The following NAA60 variants were observed in gnomAD, a reference collection of about 807,000 sequenced individuals.
NAA60 encodes the protein N-alpha-acetyltransferase 60.
Under a neutral mutation model 26.1 loss-of-function variants are expected in NAA60, and 8 were observed. That is an observed-to-expected ratio of 0.31 (90% CI 0.18 to 0.55). The LOEUF is 0.55. Ranked by LOEUF, NAA60 falls within the 20% of genes least tolerant of loss-of-function variation. The pLI is 0.93. For synonymous variants in NAA60, 131 were observed against 122.5 expected, an observed-to-expected ratio of 1.07 and a Z score of -0.46; for missense variants, 290 against 311.3, an observed-to-expected ratio of 0.93 and a Z score of 0.51.
At chr16:3,460,397 TC>T (rs1267499152) in intron 2 of NAA60, among the ~76,000 whole-genome samples, 4 of 152,072 alleles carry the variant, frequency 2.6e-5, no homozygotes, top group African/African-American at 9.7e-5. Flanking sequence ...AGGTTCTCAC[TC>T]TGTCGCCCAG....
At chr16:3,446,720 TG>T (rs1416838866) in intron 1 of NAA60, among the ~76,000 whole-genome samples, 1 of 151,740 alleles carries the variant, frequency 6.6e-6, no homozygotes, top group Non-Finnish European at 1.5e-5. Flanking sequence ...AAGTGATTCT[TG>T]TGCCTCAGCT....
chr16:3,450,180 C>G (rs2034720234), intron 2 of NAA60: 1 of 364,776 alleles, frequency 2.7e-6, no homozygotes, highest in Non-Finnish European at 4.9e-6. Flanking sequence ...GGATAATTCA[C>G]TGTCCCTTGT....
rs553291213 is a variant in NAA60 at position 3,454,852 on chromosome 16, T to G, written c.-7+6312T>G. On this transcript the variant is annotated intron_variant, in intron 2 of 7. Coordinates refer to ENST00000407558, the MANE Select transcript of NAA60 (RefSeq NM_001083601.3). ...TTAGGGAACACACTGGAACAAGGGGTAGAGTCTGTGCCACAAACACAAAGA... is the reference window on the plus strand; with the variant it reads ...TTAGGGAACACACTGGAACAAGGGGGAGAGTCTGTGCCACAAACACAAAGA... Among the ~76,000 whole-genome samples, 18 of 152,224 alleles carry G rather than the reference T, an allele frequency of 1.2e-4. 1 individual carries two copies. Among genetic ancestry groups the G allele is most frequent in the African/African-American group, 4.3e-4 (18 of 41,530 alleles).
At position 3,485,032 on chromosome 16, in the gene NAA60, G is replaced by A; in HGVS notation, c.*177G>A. The stretch of plus-strand genomic sequence containing the variant: ...CGGGCTCGGGAACAGAACATCGTGG[G>A]CATGCGCAGAGCATGCCCATCCGTG... On this transcript the variant is annotated 3_prime_UTR_variant, in exon 7 of 8. Transcript: ENST00000407558. 6.6e-7 allele frequency: 1 copy of A among 1,516,434 alleles called. No homozygotes were observed. The allele number at this position is 1,516,434 out of a possible 1,614,324, so 93.9% of individuals were successfully genotyped here.
intron 2 of NAA60, among the ~76,000 whole-genome samples, chr16:3,453,695 A>C (rs1358762447): frequency 6.6e-6 from 1 of 152,162 alleles, no homozygotes; most frequent in Non-Finnish European, 1.5e-5. Flanking sequence ...GGTGTGAGCC[A>C]CTGCACCCAG....
rs184439663 is a variant in NAA60 at position 3,465,036 on chromosome 16, G to T, written c.-6-11186G>T. Among the ~76,000 whole-genome samples, 10 of 152,284 alleles carry T rather than the reference G, an allele frequency of 6.6e-5. No homozygotes were observed. The East Asian group carries it at 1.9e-3, about 29-fold the overall frequency. On this transcript the variant is annotated intron_variant, in intron 2 of 7. Coordinates refer to ENST00000407558, the MANE Select transcript of NAA60 (RefSeq NM_001083601.3). ...TAATCTCAGTACTTTGGGAGTCTGA[G>T]GCGGGTGGATCATGAGGTCAGGAGA... is the stretch of plus-strand genomic sequence containing the variant.
At chr16:3,465,022 C>T (rs1022678292) in intron 2 of NAA60, among the ~76,000 whole-genome samples, 10 of 152,142 alleles carry the variant, frequency 6.6e-5, no homozygotes, top group Non-Finnish European at 8.8e-5. Context: ...AATCTCAGTA[C>T]TTTGGGAGTC....
rs2034649255 is a variant in NAA60, at chr16:3,448,626, G to A, written c.-7+86G>A. ...CTTAAGTGAAATCCATTTTTGACCTGTCAAGTATTAAATATTCTCTTAATT... is the reference window on the plus strand; with the variant it reads ...CTTAAGTGAAATCCATTTTTGACCTATCAAGTATTAAATATTCTCTTAATT... On this transcript the variant is annotated intron_variant, in intron 2 of 7. Transcript: ENST00000407558. 2.5e-5 allele frequency: 28 copies of A among 1,116,662 alleles called. No homozygotes were observed. The East Asian group carries it at 7.3e-4, about 29-fold the overall frequency. 69.2% of individuals were successfully genotyped at this position (1,116,662 alleles called of 1,614,324 possible).
At position 3,486,592 on chromosome 16, in the gene NAA60, CCTT is replaced by C. The variant is rs1238630417; in HGVS notation, c.*1333_*1335del. ...CACCAGGCAGGAGCAGCATCCCCCT[CCTT>C]GACGGTGCTGGCAGGAGGGCCGCGC... On this transcript the variant is annotated 3_prime_UTR_variant, in exon 8 of 8. Transcript: ENST00000407558. 5 of 152,410 alleles carry C rather than the reference CCTT, an allele frequency of 3.3e-5. No homozygotes were observed. The highest frequency in any genetic ancestry group is 1.3e-4 in the Admixed American group (2 of 15,286). The allele number at this position is 152,410 out of a possible 1,614,324, so 9.4% of individuals were successfully genotyped here.
chr16:3,466,671 T>TC (rs2035783143), intron 2 of NAA60, among the ~76,000 whole-genome samples: 1 of 152,156 alleles, frequency 6.6e-6, no homozygotes, highest in African/African-American at 2.4e-5. Context: ...CACATGCTAA[T>TC]CTCCCTTGAG....
intron 2 of NAA60, among the ~76,000 whole-genome samples, chr16:3,473,816 C>T (rs1031493210): frequency 2.6e-5 from 4 of 152,068 alleles, no homozygotes; most frequent in Non-Finnish European, 5.9e-5. Context: ...CTCACTGCAA[C>T]CTCTGCTTCT....
At chr16:3,469,143 C>T (rs1324721416) in intron 2 of NAA60, among the ~76,000 whole-genome samples, 1 of 152,120 alleles carries the variant, frequency 6.6e-6, no homozygotes, top group Non-Finnish European at 1.5e-5. Context: ...TACTTCCCTG[C>T]TTGTTGTAGT....
intron 4 of NAA60, among the ~76,000 whole-genome samples, chr16:3,480,354 T>C (rs1160160624): frequency 6.6e-6 from 1 of 152,144 alleles, no homozygotes; most frequent in South Asian, 2.1e-4. Context: ...CTCAGCACTT[T>C]GGGAGGCCGA....
At chr16:3,454,132 T>C (rs2034887558) in intron 2 of NAA60, among the ~76,000 whole-genome samples, 1 of 152,234 alleles carries the variant, frequency 6.6e-6, no homozygotes. Flanking sequence ...GGGCAGAGGC[T>C]GACCGTGTAG....
In NAA60 at chr16:3,457,971, T is replaced by C. The variant is rs1339012878; in HGVS notation, c.-7+9431T>C. 15 of 984,556 alleles carry C rather than the reference T, an allele frequency of 1.5e-5. No individual in the cohort carries two copies. In the South Asian group the frequency reaches 5.6e-4, roughly 37 times the overall value. The allele number at this position is 984,556 out of a possible 1,614,324, so 61.0% of individuals were successfully genotyped here. On this transcript the variant is annotated intron_variant, in intron 2 of 7. Coordinates refer to ENST00000407558, the MANE Select transcript of NAA60 (RefSeq NM_001083601.3). The stretch of plus-strand genomic sequence containing the variant: ...GCCGGCCTCAGGGGGCGGGGCCACG[T>C]GGGGGCGGCGGCCAATGGGCTTCCG...
chr16:3,481,011 C>A (rs1362583690), intron 4 of NAA60, among the ~76,000 whole-genome samples: 1 of 152,162 alleles, frequency 6.6e-6, no homozygotes, highest in Admixed American at 6.6e-5. Context: ...CTGTCTGGCA[C>A]AGCTTTTTTC....
chr16:3,456,360 T>A (rs542301613), intron 2 of NAA60, among the ~76,000 whole-genome samples: 1 of 152,194 alleles, frequency 6.6e-6, no homozygotes, highest in African/African-American at 2.4e-5. Flanking sequence ...TTTTGCCTGT[T>A]TTTATGATTG....
chr16:3,480,140 A>G (rs1016136027), intron 4 of NAA60, among the ~76,000 whole-genome samples: 1 of 152,060 alleles, frequency 6.6e-6, no homozygotes, highest in Non-Finnish European at 1.5e-5. Context: ...CCATGGCCAT[A>G]TTGTTCCAAA....
rs12926598 is a variant in NAA60 at position 3,486,327 on chromosome 16, G to A, written c.*1067G>A. ...CCGATGCAGGGGTGGGGTGGGGGGC[G>A]GAGTCCCGCCCAGCATAGCTGCAGT... On this transcript the variant is annotated 3_prime_UTR_variant, in exon 8 of 8. Coordinates refer to ENST00000407558, the MANE Select transcript of NAA60 (RefSeq NM_001083601.3). 0.046 allele frequency: 7,206 copies of A among 155,502 alleles called. 244 individuals are homozygous for A. The highest frequency in any genetic ancestry group is 0.071 in the Non-Finnish European group (4,967 of 70,042). 9.6% of individuals were successfully genotyped at this position (155,502 alleles called of 1,614,324 possible).
Sources: allele counts gnomAD v4.1 joint callset (sites outside exome capture counted in the v4.1 genomes callset), GRCh38; gene constraint gnomAD v4.1.1; transcripts MANE v1.5; gene names NCBI Gene and HGNC (gene_info 2026-07-23, HGNC 2026-07-21).